Variants in KIRREL3 observed in about 807,000 individuals in gnomAD.
KIRREL3 encodes the protein kin of IRRE-like protein 3.
In KIRREL3, 36 loss-of-function variants were observed where a neutral mutation model predicts 89.7. That is an observed-to-expected ratio of 0.40 (90% CI 0.31 to 0.53). The LOEUF is 0.53. KIRREL3 is among the 20% of genes least tolerant of loss of function. The probability of loss-of-function intolerance (pLI) is 0.49; values close to 1 mark genes in which losing one functional copy is unlikely to be tolerated. For missense variants in KIRREL3, 864 were observed against 1,056.6 expected (o/e 0.82, Z 2.53); for synonymous variants, 445 against 441.4 (o/e 1.01, Z -0.10).
In KIRREL3 at chr11:126,742,637, G is replaced by C. The variant is rs1949019162; in HGVS notation, c.56-179725C>G. 6.6e-6 allele frequency among the ~76,000 whole-genome samples: 1 copy of C among 152,214 alleles called. No individual in the cohort carries two copies. Among genetic ancestry groups the C allele is most frequent in the Non-Finnish European group, 1.5e-5 (1 of 68,036 alleles). ...AAGGTCACATAGCCAGTACATGGTT[G>C]AACTGGGACATCAGCCTAGGTATGT... On this transcript the variant is annotated intron_variant, in intron 1 of 16. Transcript: ENST00000525144. This position sits in a 1 kb window ranked among gnomAD's most constrained non-coding sequence, Gnocchi z 5.3.
At chr11:126,597,402 T>C (rs1406367410) in intron 1 of KIRREL3, among the ~76,000 whole-genome samples, 1 of 152,254 alleles carries the variant, frequency 6.6e-6, no homozygotes, top group Non-Finnish European at 1.5e-5. Context: ...TAAGTCCCCG[T>C]GGTCTTTTAA....
At chr11:126,735,429 C>T (rs1217376551) in intron 1 of KIRREL3, among the ~76,000 whole-genome samples, 2 of 152,220 alleles carry the variant, frequency 1.3e-5, no homozygotes, top group African/African-American at 2.4e-5. Context: ...CCATTTCCCA[C>T]CTCCTCCACC....
At chr11:126,784,570 G>C (rs1341422313) in intron 1 of KIRREL3, among the ~76,000 whole-genome samples, 3 of 151,362 alleles carry the variant, frequency 2.0e-5, no homozygotes, top group Non-Finnish European at 2.9e-5. Flanking sequence ...CCTACAGTCA[G>C]ACTTACCCTC....
intron 1 of KIRREL3, among the ~76,000 whole-genome samples, chr11:126,626,219 T>C (rs778957076): frequency 2.0e-5 from 3 of 152,240 alleles, no homozygotes; most frequent in Non-Finnish European, 2.9e-5. Flanking sequence ...CTCAGCAGCA[T>C]GCTGGGGTCT....
intron 1 of KIRREL3, among the ~76,000 whole-genome samples, chr11:126,688,410 G>A (rs1484886411): frequency 1.3e-5 from 2 of 152,158 alleles, no homozygotes; most frequent in Non-Finnish European, 2.9e-5. Flanking sequence ...AACACCTGTG[G>A]CCCCCAGTTG....
chr11:126,923,221 T>TCTA (rs1565423699), intron 1 of KIRREL3, among the ~76,000 whole-genome samples: 2 of 27,756 alleles, frequency 7.2e-5, no homozygotes, highest in Non-Finnish European at 1.5e-4. Flanking sequence ...TTCTTCTTCT[T>TCTA]CTTCTTCTTC....
chr11:126,901,287 C>T (rs554938776), intron 1 of KIRREL3, among the ~76,000 whole-genome samples: 7 of 151,238 alleles, frequency 4.6e-5, no homozygotes, highest in East Asian at 1.9e-4. Flanking sequence ...TTCAAGTTAA[C>T]GATTCTTTTA....
In KIRREL3 at chr11:126,657,674, A is replaced by T. The variant is rs182433812; in HGVS notation, c.56-94762T>A. On this transcript the variant is annotated intron_variant, in intron 1 of 16. Coordinates refer to ENST00000525144, the MANE Select transcript of KIRREL3 (RefSeq NM_032531.4). ...ACAGTCCGTCCCCAGCCCAAAGAGG[A>T]CTGCGCTAGCTTGGGAGGGAATGAG... 4.0e-4 allele frequency among the ~76,000 whole-genome samples: 61 copies of T among 152,198 alleles called. 1 individual carries two copies. In the East Asian group the frequency reaches 0.01, roughly 26 times the overall value.
At chr11:126,824,452 G>A (rs766188487) in intron 1 of KIRREL3, among the ~76,000 whole-genome samples, 5 of 152,214 alleles carry the variant, frequency 3.3e-5, no homozygotes, top group African/African-American at 1.2e-4. Flanking sequence ...CTCACCCAAC[G>A]TCACACATCT....
At chr11:126,436,539 C>T (rs893229372) in intron 12 of KIRREL3, among the ~76,000 whole-genome samples, 2 of 152,250 alleles carry the variant, frequency 1.3e-5, no homozygotes, top group Admixed American at 1.3e-4. Flanking sequence ...GTTGTGGTCA[C>T]CTCCCACTGA....
rs918405618 is a variant in KIRREL3 at position 126,579,493 on chromosome 11, C to T, written c.56-16581G>A. Among the ~76,000 whole-genome samples, 11 of 152,092 alleles carry T rather than the reference C, an allele frequency of 7.2e-5. No homozygotes were observed. Among genetic ancestry groups the T allele is most frequent in the Admixed American group, 2.0e-4 (3 of 15,272 alleles). ...CCCCAGGAACCACTCTCTAATTTAA[C>T]GAATAACTTCTCTCATGAGCAAATG... On this transcript the variant is annotated intron_variant, in intron 1 of 16. Coordinates refer to ENST00000525144, the MANE Select transcript of KIRREL3 (RefSeq NM_032531.4). This position sits in a 1 kb window ranked among gnomAD's most constrained non-coding sequence, Gnocchi z 5.3.
chr11:126,425,733 C>CA lies in KIRREL3; in HGVS notation c.1807-10dup, dbSNP rs776920704. ...AATTCACCCCGGTCCATCTGCAACC[C>CA]AAAAAAGGCTGCTCAGTAGATAGGA... On this transcript the variant is annotated splice_polypyrimidine_tract_variant and intron_variant, in intron 15 of 16. Coordinates refer to ENST00000525144, the MANE Select transcript of KIRREL3 (RefSeq NM_032531.4). 16 of 1,586,324 alleles carry CA rather than the reference C, an allele frequency of 1.0e-5. No individual in the cohort carries two copies. Among genetic ancestry groups the CA allele is most frequent in the Non-Finnish European group, 1.2e-5 (14 of 1,165,406 alleles).
At chr11:126,674,553 C>G (rs1008760815) in intron 1 of KIRREL3, among the ~76,000 whole-genome samples, 3 of 152,224 alleles carry the variant, frequency 2.0e-5, no homozygotes, top group African/African-American at 7.2e-5. Flanking sequence ...GTGCCCATCT[C>G]CTTTCCTAAT....
At chr11:126,679,695 G>A (rs1156698838) in intron 1 of KIRREL3, among the ~76,000 whole-genome samples, 7 of 152,158 alleles carry the variant, frequency 4.6e-5, no homozygotes, top group Non-Finnish European at 7.3e-5. Flanking sequence ...TATAAATCAC[G>A]AAGTTTTTCC....
In KIRREL3 at chr11:126,639,320, T is replaced by C. The variant is rs1229279698; in HGVS notation, c.56-76408A>G. Among the ~76,000 whole-genome samples, 3 of 152,214 alleles carry C rather than the reference T, an allele frequency of 2.0e-5. No homozygotes were observed. Among genetic ancestry groups the C allele is most frequent in the African/African-American group, 7.2e-5 (3 of 41,464 alleles). ...TGAAGATCTAGGCAGCTATTTGTAT[T>C]TCTGTTTGGATTTTTGGGTCCTTTT... is the stretch of plus-strand genomic sequence containing the variant. On this transcript the variant is annotated intron_variant, in intron 1 of 16. Coordinates refer to ENST00000525144, the MANE Select transcript of KIRREL3 (RefSeq NM_032531.4). This position sits in a 1 kb window ranked among gnomAD's most constrained non-coding sequence, Gnocchi z 4.3.
chr11:126,759,829 C>A (rs1480809423), intron 1 of KIRREL3, among the ~76,000 whole-genome samples: 4 of 152,146 alleles, frequency 2.6e-5, no homozygotes, highest in East Asian at 1.9e-4. Flanking sequence ...AGATTGAATT[C>A]TTTTTGGGGT....
At position 126,463,429 on chromosome 11, in the gene KIRREL3, G is replaced by T; in HGVS notation, c.592-122C>A. ...GGGGAGCTGTGGATGGAGGGGTTCA[G>T]CTTAGGAGACCTGGGCTGCCCATGT... On this transcript the variant is annotated intron_variant, in intron 5 of 16. Coordinates refer to ENST00000525144, the MANE Select transcript of KIRREL3 (RefSeq NM_032531.4). The surrounding 1 kb of genome is among the most constrained non-coding windows in gnomAD (Gnocchi z 5.9). 1 of 1,010,550 alleles carries T rather than the reference G, an allele frequency of 9.9e-7. No homozygotes were observed. The highest frequency in any genetic ancestry group is 1.4e-6 in the Non-Finnish European group (1 of 697,572). 62.6% of individuals were successfully genotyped at this position (1,010,550 alleles called of 1,614,324 possible). A position where few individuals can be genotyped will look rare whatever the true frequency, so the allele number is the denominator to read the frequency against.
At chr11:126,849,161 C>T (rs575397152) in intron 1 of KIRREL3, among the ~76,000 whole-genome samples, 13 of 152,110 alleles carry the variant, frequency 8.5e-5, no homozygotes, top group Non-Finnish European at 1.5e-4. Flanking sequence ...AGAAGCCAGC[C>T]AAAACCCACT....
At chr11:126,810,721 CT>C (rs1462359811) in intron 1 of KIRREL3, among the ~76,000 whole-genome samples, 1 of 152,114 alleles carries the variant, frequency 6.6e-6, no homozygotes, top group Admixed American at 6.5e-5. Flanking sequence ...GCAGAAATGG[CT>C]TATAAAATGG....
Sources: gnomAD v4.1 joint callset for allele counts (sites outside exome capture counted in the v4.1 genomes callset) on GRCh38, gnomAD v4.1.1 for gene constraint, Gnocchi (gnomAD v3.1) non-coding constraint, MANE v1.5 for transcripts, NCBI Gene and HGNC (gene_info 2026-07-23, HGNC 2026-07-21) for gene names.